The following ZNF66 variants were observed in gnomAD, a reference collection of about 807,000 sequenced individuals.
ZNF66 encodes the protein zinc finger protein 66.
A neutral mutation model predicts 35.2 loss-of-function variants in ZNF66; 32 were observed. The observed-to-expected ratio is 0.91, with a 90% CI of 0.69 to 1.22. The LOEUF (loss-of-function observed/expected upper bound fraction) is 1.22. Ranked by LOEUF, ZNF66 falls within the 50% of genes most tolerant of loss-of-function variation. The probability of loss-of-function intolerance (pLI) is 0.00; values close to 1 mark genes in which losing one functional copy is unlikely to be tolerated. For synonymous variants in ZNF66, 231 were observed against 181.3 expected (o/e 1.27, Z -2.20); for missense variants, 666 against 543.1 (o/e 1.23, Z -2.25).
rs1189379983 is a variant in ZNF66, at chr19:20,793,795, C to T, written c.143C>T (p.Ser48Leu). Residue 48 changes from serine to leucine, a missense_variant, in exon 3 of 4, where the codon TCA becomes TTA. Ser to Leu is a moderately radical substitution (Grantham distance 145). Transcript: ENST00000344519. ...TTTGATAAAACAGGTATTGTTGTCT[C>T]AAAGCCAGACCTCATCACCCATCTG... ...RNLVFLGIVV[S>L]KPDLITHLEQ... The T allele has an allele frequency of 1.9e-6, 2 of 1,028,172 alleles. No homozygotes were observed. The highest frequency in any genetic ancestry group is 3.3e-5 in the African/African-American group (2 of 60,050). 63.7% of individuals were successfully genotyped at this position (1,028,172 alleles called of 1,614,324 possible).
At chr19:20,781,109 C>T (rs1971241652) in intron 1 of ZNF66, among the ~76,000 whole-genome samples, 1 of 152,200 alleles carries the variant, frequency 6.6e-6, no homozygotes, top group Admixed American at 6.5e-5. Context: ...ATCAGCTGTT[C>T]ATAATCTCAT....
chr19:20,786,326 G>A (rs919312942), intron 1 of ZNF66, among the ~76,000 whole-genome samples: 28 of 152,174 alleles, frequency 1.8e-4, no homozygotes, highest in African/African-American at 6.8e-4. Context: ...TTCACGGGCA[G>A]CAATCAATCA....
In ZNF66 at chr19:20,809,457, G is replaced by A. The variant is rs916474735; in HGVS notation, c.*2135G>A. Among the ~76,000 whole-genome samples the A allele has an allele frequency of 1.1e-4, 17 of 152,274 alleles. No individual in the cohort carries two copies. The highest frequency in any genetic ancestry group is 3.4e-3 in the Middle Eastern group (1 of 294). Reference sequence around the variant, plus strand: ...AAGGTCGGGTTACCCACAAAGGGAAGCCCATCAGACTCACAGCTGACCTCT... The same window carrying A: ...AAGGTCGGGTTACCCACAAAGGGAAACCCATCAGACTCACAGCTGACCTCT... On this transcript the variant is annotated 3_prime_UTR_variant, in exon 4 of 4. Coordinates refer to ENST00000344519, the MANE Select transcript of ZNF66 (RefSeq NM_001355197.2).
chr19:20,805,678 AT>A, intron 3 of ZNF66, 148 bp from the exon 4 acceptor site: 3 of 415,510 alleles, frequency 7.2e-6, no homozygotes, highest in South Asian at 9.8e-5. Context: ...TTTTTTTTAC[AT>A]TTATATGTCC....
chr19:20,797,623 G>T (rs1163812624), intron 3 of ZNF66, among the ~76,000 whole-genome samples: 1 of 151,596 alleles, frequency 6.6e-6, no homozygotes, highest in Non-Finnish European at 1.5e-5. Context: ...GAGTGCATTG[G>T]CGTGATCTTG....
chr19:20,801,679 A>G (rs4026920), intron 3 of ZNF66, among the ~76,000 whole-genome samples: 6,339 of 152,126 alleles, frequency 0.042, 218 homozygotes, highest in South Asian at 0.12. Flanking sequence ...CACTCTGTCA[A>G]CCAGGCTGAT....
chr19:20,793,416 C>T (rs1316873558), intron 2 of ZNF66, among the ~76,000 whole-genome samples: 1 of 142,720 alleles, frequency 7.0e-6, no homozygotes, highest in Non-Finnish European at 1.5e-5. Context: ...CTGCAACATC[C>T]ACCTCCCAAG....
chr19:20,809,200 C>T lies in ZNF66; in HGVS notation c.*1878C>T, dbSNP rs532954902. On this transcript the variant is annotated 3_prime_UTR_variant, in exon 4 of 4. Transcript: ENST00000344519. ...CTATGTGAAAAGACCAAATCTACCT[C>T]TGATTGGTGTACCTGAAAGTGAGGG... Among the ~76,000 whole-genome samples the T allele has an allele frequency of 1.3e-5, 2 of 152,292 alleles. No individual in the cohort carries two copies. Among genetic ancestry groups the T allele is most frequent in the East Asian group, 1.9e-4 (1 of 5,182 alleles).
At chr19:20,781,741 C>G (rs1432511131) in intron 1 of ZNF66, among the ~76,000 whole-genome samples, 1 of 152,150 alleles carries the variant, frequency 6.6e-6, no homozygotes, top group African/African-American at 2.4e-5. Flanking sequence ...CTCCTAACCT[C>G]AAGTGATCAA....
chr19:20,777,491 G>T (rs1474608364), intron 1 of ZNF66, among the ~76,000 whole-genome samples: 6 of 147,652 alleles, frequency 4.1e-5, no homozygotes, highest in Admixed American at 3.4e-4. Flanking sequence ...GAAATCCGGG[G>T]ACTAGAGCCT....
chr19:20,793,892 A>G lies in ZNF66; in HGVS notation c.226+14A>G. On this transcript the variant is annotated intron_variant, in intron 3 of 3. Coordinates refer to ENST00000344519, the MANE Select transcript of ZNF66 (RefSeq NM_001355197.2). ...CCAACCCCTCAGGTAGGTGTGAGTGAAAATGAATACAACAGACAACACAGT... is the reference window on the plus strand; with the variant it reads ...CCAACCCCTCAGGTAGGTGTGAGTGGAAATGAATACAACAGACAACACAGT... 2 of 1,078,152 alleles carry G rather than the reference A, an allele frequency of 1.9e-6. No homozygotes were observed. Among genetic ancestry groups the G allele is most frequent in the Middle Eastern group, 2.1e-4 (1 of 4,746 alleles). 66.8% of individuals were successfully genotyped at this position (1,078,152 alleles called of 1,614,324 possible). A position where few individuals can be genotyped will look rare whatever the true frequency, so the allele number is the denominator to read the frequency against.
intron 3 of ZNF66, among the ~76,000 whole-genome samples, chr19:20,805,584 G>C (rs1971494017): frequency 6.6e-6 from 1 of 151,616 alleles, no homozygotes; most frequent in African/African-American, 2.4e-5. Flanking sequence ...TCTTCTATGT[G>C]GCTCTTTGCA....
intron 1 of ZNF66, among the ~76,000 whole-genome samples, chr19:20,788,656 T>C (rs1971308917): frequency 6.6e-6 from 1 of 151,956 alleles, no homozygotes; most frequent in South Asian, 2.1e-4. Context: ...ACCCGCGTCA[T>C]CCTCCTGAAG....
chr19:20,777,924 G>A (rs1023077393), intron 1 of ZNF66, among the ~76,000 whole-genome samples: 1 of 152,074 alleles, frequency 6.6e-6, no homozygotes, highest in African/African-American at 2.4e-5. Context: ...GGAAAATGTG[G>A]TAGATAATTG....
At chr19:20,787,708 C>A (rs1040839586) in intron 1 of ZNF66, among the ~76,000 whole-genome samples, 9 of 152,276 alleles carry the variant, frequency 5.9e-5, no homozygotes, top group African/African-American at 2.2e-4. Context: ...GCATCTTAGG[C>A]ATGAGAGATC....
intron 3 of ZNF66, among the ~76,000 whole-genome samples, chr19:20,801,478 G>A (rs555984484): frequency 6.6e-6 from 1 of 152,052 alleles, no homozygotes; most frequent in South Asian, 2.1e-4. Flanking sequence ...CAAGTAGCTG[G>A]GATTACAGGC....
intron 3 of ZNF66, among the ~76,000 whole-genome samples, chr19:20,794,870 CTT>C (rs59063566): frequency 0.095 from 12,368 of 130,832 alleles, 494 homozygotes; most frequent in Middle Eastern, 0.12. Flanking sequence ...CAACCAGCAA[CTT>C]TTTTTTTTTT....
rs370146486 is a variant in ZNF66, at chr19:20,795,684, A to G, written c.226+1806A>G. Among the ~76,000 whole-genome samples, 95 of 152,222 alleles carry G rather than the reference A, an allele frequency of 6.2e-4. 1 individual carries two copies. The South Asian group carries it at 0.019, about 30-fold the overall frequency. ...ACCCTGCCCAATTGTGTGGGTTTCTATGTAGGCAGAACTGACCATAAACTT... is the reference window on the plus strand; with the variant it reads ...ACCCTGCCCAATTGTGTGGGTTTCTGTGTAGGCAGAACTGACCATAAACTT... On this transcript the variant is annotated intron_variant, in intron 3 of 3. Transcript: ENST00000344519.
At chr19:20,799,215 C>T (rs1971425763) in intron 3 of ZNF66, 1 of 151,900 alleles carries the variant, frequency 6.6e-6, no homozygotes, top group Admixed American at 6.6e-5. Context: ...GTGCACGTCA[C>T]ATCGCCAAGG....
Sources: gnomAD v4.1 joint callset for allele counts (sites outside exome capture counted in the v4.1 genomes callset) on GRCh38, gnomAD v4.1.1 for gene constraint, MANE v1.5 for transcripts, NCBI Gene and HGNC (gene_info 2026-07-23, HGNC 2026-07-21) for gene names.